Variants in SCNN1B observed in about 807,000 individuals in gnomAD.
The protein encoded by SCNN1B is sodium channel epithelial 1 subunit beta.
Under a neutral mutation model 65.3 loss-of-function variants are expected in SCNN1B, and 46 were observed. That is an observed-to-expected ratio of 0.70 (90% CI 0.56 to 0.90). The LOEUF (loss-of-function observed/expected upper bound fraction) is 0.90, where lower values mean the gene tolerates loss of function less well. SCNN1B is among the 40% of genes least tolerant of loss of function. SCNN1B has a pLI of 0.00. For missense variants in SCNN1B, 751 were observed against 830.5 expected, an observed-to-expected ratio of 0.90 and a Z score of 1.18; for synonymous variants, 349 against 330.6, an observed-to-expected ratio of 1.06 and a Z score of -0.60.
intron 1 of SCNN1B, among the ~76,000 whole-genome samples, chr16:23,333,207 AAGG>A (rs1271583529): frequency 4.4e-4 from 40 of 91,342 alleles, no homozygotes; most frequent in Admixed American, 2.7e-3. Context: ...GGAAGGAAGG[AAGG>A]AAGAAAGAAA....
rs1431900063 is a variant in SCNN1B, at chr16:23,355,395, G to T, written c.682G>T (p.Ala228Ser). The change falls in exon 4 of 13, where the codon GCA becomes TCA. Residue 228 changes from alanine (A) to serine (S), a missense_variant. By Grantham distance (99) the Ala-to-Ser change is moderately conservative (BLOSUM62 1). Coordinates refer to ENST00000343070, the MANE Select transcript of SCNN1B (RefSeq NM_000336.3). Reference protein sequence around the residue: ...WYILQATNIFAQVPQQELVEM... With the variant: ...WYILQATNIFSQVPQQELVEM... ...CATCCTGCAGGCCACCAACATCTTT[G>T]CACAGGTGCCACAGCAGGAGCTAGT... 3.1e-6 allele frequency: 5 copies of T among 1,614,056 alleles called. No homozygotes were observed. The East Asian group carries it at 1.1e-4, about 36-fold the overall frequency.
chr16:23,361,131 T>C (rs1596873138), intron 4 of SCNN1B, among the ~76,000 whole-genome samples: 1 of 152,066 alleles, frequency 6.6e-6, no homozygotes. Flanking sequence ...GGTTTCACCA[T>C]GTTTGCCAGG....
intron 5 of SCNN1B, among the ~76,000 whole-genome samples, chr16:23,370,402 G>A (rs1332611306): frequency 6.6e-6 from 1 of 152,046 alleles, no homozygotes; most frequent in Non-Finnish European, 1.5e-5. Context: ...CACTGTGCCC[G>A]GCCAAGGAGC....
chr16:23,377,482 C>G, intron 10 of SCNN1B, 96 bp downstream of exon 10: 1 of 1,075,050 alleles, frequency 9.3e-7, no homozygotes, highest in Non-Finnish European at 1.4e-6. Context: ...GAAGGGGGTG[C>G]CTTTTTCCCT....
At chr16:23,291,502 G>C (rs1173045087) in intron 2 of SCNN1B, among the ~76,000 whole-genome samples, 1 of 149,178 alleles carries the variant, frequency 6.7e-6, no homozygotes, top group Admixed American at 6.7e-5. Flanking sequence ...GTGTGTGTGT[G>C]TAGGTATACA....
In SCNN1B at chr16:23,346,171, G is replaced by A. The variant is rs972143233; in HGVS notation, c.-8-2421G>A. 6.3e-4 allele frequency among the ~76,000 whole-genome samples: 71 copies of A among 112,658 alleles called. 3 individuals are homozygous for A. Among genetic ancestry groups the A allele is most frequent in the Middle Eastern group, 5.8e-3 (1 of 172 alleles). 73.9% of individuals were successfully genotyped at this position (112,658 alleles called of 152,430 possible). On this transcript the variant is annotated intron_variant, in intron 1 of 12. Coordinates refer to ENST00000343070, the MANE Select transcript of SCNN1B (RefSeq NM_000336.3). ...ACACAACCTCACCCCATTCTAATTT[G>A]TATCCATGGAACACCCTTTTTTCCT...
intron 1 of SCNN1B, among the ~76,000 whole-genome samples, chr16:23,319,574 C>G (rs755353227): frequency 6.6e-6 from 1 of 152,192 alleles, no homozygotes; most frequent in Non-Finnish European, 1.5e-5. Flanking sequence ...CCCGCCCAGT[C>G]ATTTACATGT....
chr16:23,356,103 G>A (rs866466095), intron 4 of SCNN1B, among the ~76,000 whole-genome samples: 7 of 152,252 alleles, frequency 4.6e-5, no homozygotes, highest in Middle Eastern at 6.8e-3. Context: ...CCGTGAGCTG[G>A]TCACTGGCTG....
chr16:23,316,704 C>A (rs931339615), intron 1 of SCNN1B, among the ~76,000 whole-genome samples: 17 of 149,332 alleles, frequency 1.1e-4, no homozygotes, highest in Non-Finnish European at 1.9e-4. Flanking sequence ...AACACCATCA[C>A]CATCACCACC....
intron 1 of SCNN1B, among the ~76,000 whole-genome samples, chr16:23,342,455 T>G (rs1281465129): frequency 6.6e-6 from 1 of 152,148 alleles, no homozygotes; most frequent in Non-Finnish European, 1.5e-5. Flanking sequence ...CCATATTGGC[T>G]AGGCTGGCCT....
At chr16:23,308,561 C>T (rs886828273) in intron 1 of SCNN1B, among the ~76,000 whole-genome samples, 40 of 152,190 alleles carry the variant, frequency 2.6e-4, no homozygotes, top group African/African-American at 8.9e-4. Flanking sequence ...TCATCCCAGA[C>T]TTCCCACATC....
chr16:23,312,953 CTT>C (rs1466489755), intron 1 of SCNN1B, among the ~76,000 whole-genome samples: 2 of 152,184 alleles, frequency 1.3e-5, no homozygotes, highest in African/African-American at 2.4e-5. Flanking sequence ...GCAGAAGATA[CTT>C]TCTTTCCCAA....
chr16:23,338,360 G>T (rs1961986259), intron 1 of SCNN1B, among the ~76,000 whole-genome samples: 1 of 152,190 alleles, frequency 6.6e-6, no homozygotes, highest in African/African-American at 2.4e-5. Flanking sequence ...CTGGCCAGGT[G>T]CTTGAGAATA....
intron 1 of SCNN1B, among the ~76,000 whole-genome samples, chr16:23,329,143 G>A (rs1169563565): frequency 2.0e-5 from 3 of 150,548 alleles, no homozygotes; most frequent in African/African-American, 4.9e-5. Context: ...ACAGGGTCTC[G>A]CTCTGTCCCC....
At chr16:23,346,147 C>T (rs751126169) in intron 1 of SCNN1B, among the ~76,000 whole-genome samples, 53 of 150,348 alleles carry the variant, frequency 3.5e-4, no homozygotes, top group Non-Finnish European at 5.8e-4. Context: ...ATGCTCCGGA[C>T]ACAACCTCAC....
chr16:23,378,774 C>T lies in SCNN1B; in HGVS notation c.1466+7C>T, dbSNP rs780946349. On this transcript the variant is annotated splice_region_variant and intron_variant, in intron 11 of 12. Transcript: ENST00000343070. ...CCAATATCACCCTGAGCAGGTGAGCCTGAGCCTGGGCGGGGCTGGGGAAGA... is the reference window on the plus strand; with the variant it reads ...CCAATATCACCCTGAGCAGGTGAGCTTGAGCCTGGGCGGGGCTGGGGAAGA... 1 of 1,613,908 alleles carries T rather than the reference C, an allele frequency of 6.2e-7. No homozygotes were observed. The highest frequency in any genetic ancestry group is 1.1e-5 in the South Asian group (1 of 91,084).
intron 4 of SCNN1B, among the ~76,000 whole-genome samples, chr16:23,361,074 A>G (rs1276564893): frequency 6.6e-6 from 1 of 152,070 alleles, no homozygotes; most frequent in Admixed American, 6.6e-5. Context: ...GATTACAGGC[A>G]TGAGCCACTG....
At chr16:23,333,743 G>A (rs906424585) in intron 1 of SCNN1B, among the ~76,000 whole-genome samples, 5 of 152,132 alleles carry the variant, frequency 3.3e-5, no homozygotes, top group Non-Finnish European at 5.9e-5. Context: ...AGGCCAAGGT[G>A]GGGGGATTGC....
chr16:23,294,388 C>A (rs1476806302), intron 2 of SCNN1B, among the ~76,000 whole-genome samples: 1 of 151,942 alleles, frequency 6.6e-6, no homozygotes, highest in Non-Finnish European at 1.5e-5. Context: ...CAGAATGAGA[C>A]CCTGTCTCAA....
Sources: gnomAD v4.1 joint callset for allele counts (sites outside exome capture counted in the v4.1 genomes callset) on GRCh38, gnomAD v4.1.1 for gene constraint, MANE v1.5 for transcripts, NCBI Gene and HGNC (gene_info 2026-07-23, HGNC 2026-07-21) for gene names.